Variants in SIRT2 observed in about 807,000 individuals in gnomAD.
SIRT2 encodes sirtuin 2, also known as NAD-dependent protein deacetylase sirtuin-2.
SIRT2 carries 40 observed loss-of-function variants against 57.4 expected under a neutral mutation model. The ratio of observed to expected loss-of-function variants is 0.70; its 90% CI spans 0.54 to 0.91. The LOEUF is 0.91. Among genes scored for constraint, SIRT2 ranks in the 40% least tolerant of loss-of-function variants. The probability of loss-of-function intolerance (pLI) is 0.00; values close to 1 mark genes in which losing one functional copy is unlikely to be tolerated. For synonymous variants in SIRT2, 161 were observed against 195.7 expected, an observed-to-expected ratio of 0.82 and a Z score of 1.48; for missense variants, 439 against 510.4, an observed-to-expected ratio of 0.86 and a Z score of 1.35.
chr19:38,888,419 G>A (rs560268645), intron 8 of SIRT2, among the ~76,000 whole-genome samples: 26 of 151,504 alleles, frequency 1.7e-4, no homozygotes, highest in Non-Finnish European at 3.5e-4. Context: ...GCTATCTCTC[G>A]CTTTGGCCTC....
chr19:38,886,814 G>A (rs1321720708), intron 8 of SIRT2, among the ~76,000 whole-genome samples: 1 of 151,950 alleles, frequency 6.6e-6, no homozygotes, highest in African/African-American at 2.4e-5. Context: ...TAGAGACAGG[G>A]TTTCACCATG....
Position 38,879,182 on chromosome 19 carries a change from C to A in SIRT2, c.1143G>T (p.Arg381Ser), listed in dbSNP as rs1973037700. 6.3e-7 allele frequency: 1 copy of A among 1,584,780 alleles called. No homozygotes were observed. Among genetic ancestry groups the A allele is most frequent in the Non-Finnish European group, 8.5e-7 (1 of 1,172,090 alleles). ...KSPPPAKDEARTTEREKPQ is the reference protein window; with the variant it reads ...KSPPPAKDEASTTEREKPQ ...ACTGGGGTTTCTCCCTCTCTGTTGTCCTGGCCTCGTCCTTGGCAGGTGGCG... is the reference window on the plus strand; with the variant it reads ...ACTGGGGTTTCTCCCTCTCTGTTGTACTGGCCTCGTCCTTGGCAGGTGGCG... The change falls in exon 16 of 16, where the codon AGG becomes AGT. Residue 381 changes from arginine (R) to serine (S), a missense_variant. By Grantham distance (110) the Arg-to-Ser change is moderately radical (BLOSUM62 -1). Coordinates refer to ENST00000249396, the MANE Select transcript of SIRT2 (RefSeq NM_012237.4).
rs112861934 is a variant in SIRT2 at position 38,894,911 on chromosome 19, G to A, written c.64-1044C>T. On this transcript the variant is annotated intron_variant, in intron 2 of 15. Coordinates refer to ENST00000249396, the MANE Select transcript of SIRT2 (RefSeq NM_012237.4). ...CTGCCCTCAGATCCGGGGTTCCCTG[G>A]CTTCCTGGACACCTTGCCCTAGGTG... 890 of 455,988 alleles carry A rather than the reference G, an allele frequency of 2.0e-3. 5 individuals are homozygous for A. Among genetic ancestry groups the A allele is most frequent in the African/African-American group, 0.016 (803 of 50,050 alleles). The allele number at this position is 455,988 out of a possible 1,614,324, so 28.2% of individuals were successfully genotyped here. A position where few individuals can be genotyped will look rare whatever the true frequency, so the allele number is the denominator to read the frequency against.
chr19:38,895,772 A>G (rs1973695784), intron 2 of SIRT2, among the ~76,000 whole-genome samples: 1 of 152,040 alleles, frequency 6.6e-6, no homozygotes, highest in East Asian at 1.9e-4. Context: ...CTCTGTCTCT[A>G]TTTAAAAAGA....
At chr19:38,896,483 G>C (rs2144704980) in intron 2 of SIRT2, among the ~76,000 whole-genome samples, 1 of 152,268 alleles carries the variant, frequency 6.6e-6, no homozygotes, top group African/African-American at 2.4e-5. Flanking sequence ...AAAGTGCTGG[G>C]ATTACAGGTG....
chr19:38,884,054 G>A (rs1187924914), intron 8 of SIRT2, among the ~76,000 whole-genome samples: 2 of 148,888 alleles, frequency 1.3e-5, no homozygotes, highest in East Asian at 4.0e-4. Context: ...CTTGAGGCCA[G>A]GAGTTCAAGA....
At chr19:38,891,969 G>A (rs1231546802) in intron 4 of SIRT2, 5 of 468,152 alleles carry the variant, frequency 1.1e-5, no homozygotes, top group Non-Finnish European at 2.2e-5. Context: ...AGTGGCAGCT[G>A]GAGGACAGGG....
At position 38,893,842 on chromosome 19, in the gene SIRT2, C is replaced by A. The variant is rs748102696; in HGVS notation, c.89G>T (p.Gly30Val). Residue 30 changes from glycine to valine, a missense_variant, in exon 3 of 16, where the codon GGA (glycine) becomes GTA (valine). Gly to Val is a moderately radical substitution (Grantham distance 109). Coordinates refer to ENST00000249396, the MANE Select transcript of SIRT2 (RefSeq NM_012237.4). ...ACTGTCTGCTTCTCCACCAGCGGCT[C>A]CTCCCTCAGAGTCTGAATCTGAGTC... ...AQDSDSDSEG[G>V]AAGGEADMDF... 2 of 1,614,052 alleles carry A rather than the reference C, an allele frequency of 1.2e-6. No homozygotes were observed. The highest frequency in any genetic ancestry group is 1.7e-6 in the Non-Finnish European group (2 of 1,180,046).
chr19:38,889,201 C>T, intron 7 of SIRT2, 46 bp from the exon 8 acceptor site: 1 of 1,550,574 alleles, frequency 6.4e-7, no homozygotes, highest in African/African-American at 1.4e-5. Context: ...AGGGAACAGC[C>T]ACAGGCCACT....
At position 38,879,723 on chromosome 19, in the gene SIRT2, CA is replaced by C. The variant is rs1277512852; in HGVS notation, c.877-22del. The C allele has an allele frequency of 1.7e-5, 27 of 1,552,268 alleles. 1 individual carries two copies. Among genetic ancestry groups the C allele is most frequent in the Non-Finnish European group, 2.4e-5 (27 of 1,145,388 alleles). On this transcript the variant is annotated intron_variant, in intron 13 of 15. Coordinates refer to ENST00000249396, the MANE Select transcript of SIRT2 (RefSeq NM_012237.4). ...TCCGACTGTCAGGGAGGGGGTGGGT[CA>C]GGGGCAGGAGCAGGGAAGGGAGAGC...
In SIRT2 at chr19:38,889,670, T is replaced by C; in HGVS notation, c.432+19A>G. 6.2e-7 allele frequency: 1 copy of C among 1,613,422 alleles called. No individual in the cohort carries two copies. Among genetic ancestry groups the C allele is most frequent in the Non-Finnish European group, 8.5e-7 (1 of 1,179,946 alleles). The stretch of plus-strand genomic sequence containing the variant: ...CCCCAACCCTTCCTGTTTCGCCCCC[T>C]GCAAAACAAAGATCTCACCTTGAAC... On this transcript the variant is annotated intron_variant, in intron 7 of 15. Transcript: ENST00000249396.
Position 38,889,090 on chromosome 19 carries a change from C to T in SIRT2, c.498G>A (p.Thr166=), listed in dbSNP as rs139101702. The change falls in exon 8 of 16, where the codon ACG becomes ACA. Residue 166 remains threonine, a synonymous_variant. Transcript: ENST00000249396. ...CAGGATGCTCGCATCCGCCTACCTG[C>T]GTGTAGCAGCGCAGGAGTAGCCCCT... The part of the protein sequence containing the change: ...KDKGLLLRCY[T]QNIDTLERIA... 2.1e-4 allele frequency: 339 copies of T among 1,612,126 alleles called. 1 individual carries two copies. In the African/African-American group the frequency reaches 3.8e-3, roughly 18 times the overall value.
intron 4 of SIRT2, among the ~76,000 whole-genome samples, chr19:38,892,189 T>G (rs1185777838): frequency 2.6e-5 from 4 of 151,830 alleles, no homozygotes; most frequent in African/African-American, 7.3e-5. Flanking sequence ...TGAGCTCAGG[T>G]GTTCAAGACC....
chr19:38,883,833 A>C (rs1051901046), intron 8 of SIRT2, 77 bp from the exon 9 acceptor site: 1 of 1,509,514 alleles, frequency 6.6e-7, no homozygotes, highest in African/African-American at 1.4e-5. Flanking sequence ...TAGGGAGTTG[A>C]GGGCCACGAG....
At chr19:38,879,343 C>G (rs1301159980) in intron 15 of SIRT2, 33 bp from the exon 16 acceptor site, 2 of 1,611,652 alleles carry the variant, frequency 1.2e-6, no homozygotes, top group Non-Finnish European at 1.7e-6. Context: ...AGTCAAAGGT[C>G]ACTGTGCATC....
chr19:38,881,064 C>A, intron 11 of SIRT2, 36 bp downstream of exon 11: 1 of 1,603,312 alleles, frequency 6.2e-7, no homozygotes, highest in Non-Finnish European at 8.5e-7. Context: ...GTGGAGGCGG[C>A]GGTTGGGGAT....
rs998701862 is a variant in SIRT2 at position 38,889,623 on chromosome 19, G to A, written c.432+66C>T. 60 of 1,572,036 alleles carry A rather than the reference G, an allele frequency of 3.8e-5. 1 individual carries two copies. Among genetic ancestry groups the A allele is most frequent in the Non-Finnish European group, 4.3e-5 (49 of 1,144,946 alleles). On this transcript the variant is annotated intron_variant, in intron 7 of 15. Transcript: ENST00000249396. ...TAATATTTGTCTGCAGGGCCTTGGC[G>A]GGGCTTCTCATGCGTGCCCTCCCCC...
chr19:38,891,416 G>A (rs1449843761), intron 4 of SIRT2, among the ~76,000 whole-genome samples: 1 of 152,134 alleles, frequency 6.6e-6, no homozygotes, highest in Admixed American at 6.5e-5. Context: ...GGGCGTGGTG[G>A]CACGCGCCTG....
intron 1 of SIRT2, 105 bp downstream of exon 1, chr19:38,899,401 C>T: frequency 1.5e-6 from 2 of 1,315,382 alleles, no homozygotes; most frequent in Non-Finnish European, 2.2e-6. Context: ...CCCCGAAGCG[C>T]TCCCTACTTC....
Sources: allele counts gnomAD v4.1 joint callset (sites outside exome capture counted in the v4.1 genomes callset), GRCh38; gene constraint gnomAD v4.1.1; transcripts MANE v1.5; gene names NCBI Gene and HGNC (gene_info 2026-07-23, HGNC 2026-07-21).